The following TNK2 variants were observed in gnomAD, a reference collection of about 807,000 sequenced individuals.
TNK2 encodes tyrosine kinase non receptor 2, also known as activated CDC42 kinase 1.
Under a neutral mutation model 101.8 loss-of-function variants are expected in TNK2, and 83 were observed. That is an observed-to-expected ratio of 0.82 (90% CI 0.68 to 0.98). TNK2 has a LOEUF of 0.98. Among genes scored for constraint, TNK2 ranks in the 50% least tolerant of loss-of-function variants. The probability of loss-of-function intolerance (pLI) is 0.00; values close to 1 mark genes in which losing one functional copy is unlikely to be tolerated. For missense variants in TNK2, 1,665 were observed against 1,483.2 expected (o/e 1.12, Z -2.01); for synonymous variants, 804 against 633.0 (o/e 1.27, Z -4.06).
At chr3:195,869,233 C>T (rs930082183) in intron 12 of TNK2, 11 of 591,142 alleles carry the variant, frequency 1.9e-5, no homozygotes, top group South Asian at 4.0e-5. Flanking sequence ...GGGCCACACT[C>T]GTGCTCCAGA....
intron 13 of TNK2, 33 bp from the exon 14 acceptor site, chr3:195,867,297 G>C (rs757616168): frequency 1.2e-6 from 2 of 1,611,806 alleles, no homozygotes; most frequent in Admixed American, 3.3e-5. Context: ...GCACCACTAG[G>C]GCCCACTGCT....
Position 195,867,751 on chromosome 3 carries a change from C to T in TNK2, c.2547G>A (p.Gln849=), listed in dbSNP as rs1440519620. Residue 849 remains glutamine, a synonymous_variant, in exon 13 of 16, where the codon CAG becomes CAA. Transcript: ENST00000672887. ...DPKYATPQVI[Q]APGPRAGPCI... ...AGGGACCAGCCCGCGGGCCAGGGGC[C>T]TGGATCACCTGGGGGGTGGCGTACT... 1.1e-5 allele frequency: 18 copies of T among 1,595,176 alleles called. No homozygotes were observed. Among genetic ancestry groups the T allele is most frequent in the East Asian group, 2.2e-5 (1 of 44,608 alleles).
At position 195,888,488 on chromosome 3, in the gene TNK2, C is replaced by T. The variant is rs767411309; in HGVS notation, c.101G>A (p.Arg34His). ...CTTGACGTACTCAAAGTGGGACAGG[C>T]GGGTGACGTTGAGGTCATCTCGGAG... Reference protein sequence around the residue: ...LRLRDDLNVTRLSHFEYVKNE... With the variant: ...LRLRDDLNVTHLSHFEYVKNE... The change falls in exon 2 of 16, where the codon CGC (arginine) becomes CAC (histidine). Residue 34 changes from arginine (R) to histidine (H), a missense_variant. Arg to His is a conservative substitution (Grantham distance 29). Transcript: ENST00000672887. This position sits in a 1 kb window ranked among gnomAD's most constrained non-coding sequence, Gnocchi z 5.3. 6.2e-6 allele frequency: 10 copies of T among 1,614,018 alleles called. No individual in the cohort carries two copies. Among genetic ancestry groups the T allele is most frequent in the South Asian group, 3.3e-5 (3 of 91,066 alleles).
rs746207867 is a variant in TNK2, at chr3:195,868,121, T to A, written c.2177A>T (p.Gln726Leu). The change falls in exon 13 of 16, where the codon CAG (glutamine) becomes CTG (leucine). Residue 726 changes from glutamine to leucine, a missense_variant. Around this residue, in one of 3 missense-constraint regions of TNK2, gnomAD observed 1,136 missense variants for 894.9 expected, o/e 1.27. Coordinates refer to ENST00000672887, the MANE Select transcript of TNK2 (RefSeq NM_001382273.1). ...AQTAEIFQAL[Q>L]QECMRQLQAP... ...CTGCAGTTGCCTCATGCACTCCTGC[T>A]GTAGCGCCTGGAAGATCTCTGCGGT... The A allele has an allele frequency of 1.2e-6, 2 of 1,611,594 alleles. No individual in the cohort carries two copies. Among genetic ancestry groups the A allele is most frequent in the Non-Finnish European group, 1.7e-6 (2 of 1,179,488 alleles).
At chr3:195,892,752 G>C (rs1759090836) in intron 1 of TNK2, 3 of 1,287,618 alleles carry the variant, frequency 2.3e-6, no homozygotes, top group Non-Finnish European at 2.0e-6. Context: ...AGTGGTCACA[G>C]TCCAGCCCTA....
chr3:195,865,678 G>A (rs1018391878), intron 15 of TNK2, among the ~76,000 whole-genome samples: 2 of 149,498 alleles, frequency 1.3e-5, no homozygotes, highest in African/African-American at 2.5e-5. Context: ...CTGCGTCCCA[G>A]GTGCAAATCA....
intron 1 of TNK2, among the ~76,000 whole-genome samples, chr3:195,902,630 C>CCA (rs1761325395): frequency 1.1e-5 from 1 of 89,856 alleles, no homozygotes; most frequent in African/African-American, 4.4e-5. Context: ...AAAAAAAAAA[C>CCA]AAAAAAAAAC....
Position 195,867,401 on chromosome 3 carries a change from T to C in TNK2, c.2897A>G (p.Asp966Gly). ...TGCTGGCCGGCCCGCCTCTGGCCCA[T>C]CGCCAGGGCAGCCCCTCTGTGGCAG... ...ARLPQRGCPG[D>G]GPEAGRPADK... is the part of the protein sequence containing the mutation. The change falls in exon 13 of 16, where the codon GAT becomes GGT. Residue 966 changes from aspartate to glycine, a missense_variant. Asp to Gly is a moderately conservative substitution (Grantham distance 94). This residue lies in a region of TNK2 where 1,136 missense variants were observed against 894.9 expected (regional missense o/e 1.27). Transcript: ENST00000672887. 2 of 1,605,072 alleles carry C rather than the reference T, an allele frequency of 1.2e-6. No homozygotes were observed. Among genetic ancestry groups the C allele is most frequent in the Non-Finnish European group, 1.7e-6 (2 of 1,178,324 alleles).
chr3:195,887,591 T>C (rs1184485785), intron 2 of TNK2, among the ~76,000 whole-genome samples: 2 of 152,254 alleles, frequency 1.3e-5, no homozygotes, highest in African/African-American at 4.8e-5. Context: ...CATTATTACC[T>C]ATTTAGCTAT....
At chr3:195,879,205 C>T (rs1462357089) in intron 6 of TNK2, 30 bp from the exon 7 acceptor site, 8 of 1,611,534 alleles carry the variant, frequency 5.0e-6, no homozygotes, top group Non-Finnish European at 6.8e-6. Context: ...AAGAGAAGCC[C>T]TCTCAAACAC....
chr3:195,883,986 T>G (rs1754456937), intron 4 of TNK2: 1 of 152,450 alleles, frequency 6.6e-6, no homozygotes, highest in Non-Finnish European at 1.5e-5. Flanking sequence ...AAGGACGCAC[T>G]GAGTGGACGG....
At chr3:195,868,830 C>CCCCAACTCCCT (rs1440921163) in intron 12 of TNK2, 121 bp from the exon 13 acceptor site, 1 of 1,251,446 alleles carries the variant, frequency 8.0e-7, no homozygotes, top group Non-Finnish European at 1.1e-6. Flanking sequence ...CCCAACTCCC[C>CCCCAACTCCCT]CCGAGGTCTG....
chr3:195,866,737 T>A (rs1291508821), intron 15 of TNK2, 152 bp downstream of exon 15: 1 of 1,138,442 alleles, frequency 8.8e-7, no homozygotes, highest in East Asian at 2.6e-5. Flanking sequence ...AACGATTTGC[T>A]GGGCCCTGTG....
At position 195,885,556 on chromosome 3, in the gene TNK2, G is replaced by A; in HGVS notation, c.235-523C>T. 1.5e-6 allele frequency: 2 copies of A among 1,290,938 alleles called. No individual in the cohort carries two copies. Among genetic ancestry groups the A allele is most frequent in the Non-Finnish European group, 2.0e-6 (2 of 989,640 alleles). 80.0% of individuals were successfully genotyped at this position (1,290,938 alleles called of 1,614,324 possible). A position where few individuals can be genotyped will look rare whatever the true frequency, so the allele number is the denominator to read the frequency against. On this transcript the variant is annotated intron_variant, in intron 3 of 15. Coordinates refer to ENST00000672887, the MANE Select transcript of TNK2 (RefSeq NM_001382273.1). The surrounding 1 kb of genome is among the most constrained non-coding windows in gnomAD (Gnocchi z 4.7). ...GCTGCCCTTCATCCTGCCCAGGGGA[G>A]AGGATAATTTTAGTCTGAGGTTGAA...
chr3:195,900,428 C>T (rs1401809716), intron 1 of TNK2, among the ~76,000 whole-genome samples: 2 of 152,204 alleles, frequency 1.3e-5, no homozygotes, highest in African/African-American at 4.8e-5. Context: ...CCACACTGAA[C>T]CTGAGGCTGA....
intron 10 of TNK2, among the ~76,000 whole-genome samples, chr3:195,870,973 G>GGGGTTCTGGTGTGTGTGGGCCCGCTGTGT (rs1744802650): frequency 7.7e-6 from 1 of 129,298 alleles, no homozygotes; most frequent in Non-Finnish European, 1.7e-5. Flanking sequence ...CTCGCTGTGT[G>GGGGTTCTGGTGTGTGTGGGCCCGCTGTGT]GGGTTCTGGT....
intron 6 of TNK2, among the ~76,000 whole-genome samples, chr3:195,881,477 T>C (rs1226081970): frequency 2.6e-5 from 2 of 76,202 alleles, no homozygotes; most frequent in Admixed American, 1.4e-4. Context: ...GATCTGTCCC[T>C]CTAACACCCC....
intron 1 of TNK2, among the ~76,000 whole-genome samples, chr3:195,897,926 C>G (rs889008209): frequency 6.6e-6 from 1 of 150,988 alleles, no homozygotes; most frequent in African/African-American, 2.4e-5. Flanking sequence ...CCTGGGGTCA[C>G]CTATGCCTCC....
chr3:195,882,455 T>G lies in TNK2; in HGVS notation c.610-127A>C, dbSNP rs1223699292. On this transcript the variant is annotated intron_variant, in intron 5 of 15. Coordinates refer to ENST00000672887, the MANE Select transcript of TNK2 (RefSeq NM_001382273.1). This position sits in a 1 kb window ranked among gnomAD's most constrained non-coding sequence, Gnocchi z 4.2. ...CCAGGCTGCACGCACCTTCCTGGCC[T>G]GCTGTCTGGGGACCTCTAGGAGTCC... is the stretch of plus-strand genomic sequence containing the variant. 1 of 1,551,690 alleles carries G rather than the reference T, an allele frequency of 6.4e-7. No homozygotes were observed. Among genetic ancestry groups the G allele is most frequent in the South Asian group, 1.2e-5 (1 of 83,990 alleles).
Sources: gnomAD v4.1 joint callset for allele counts (sites outside exome capture counted in the v4.1 genomes callset) on GRCh38, gnomAD v4.1.1 for gene constraint, gnomAD v4.1.1 regional missense constraint, Gnocchi (gnomAD v3.1) non-coding constraint, MANE v1.5 for transcripts, NCBI Gene and HGNC (gene_info 2026-07-23, HGNC 2026-07-21) for gene names.